Variants in NRDE2 observed in about 807,000 individuals in gnomAD.
NRDE2 encodes the protein nuclear exosome regulator NRDE2.
A neutral mutation model predicts 124.2 loss-of-function variants in NRDE2; 76 were observed. The observed-to-expected ratio is 0.61, with a 90% CI of 0.51 to 0.74. The LOEUF is 0.74. Ranked by LOEUF, NRDE2 falls within the 30% of genes least tolerant of loss-of-function variation. The pLI, the probability that NRDE2 is intolerant of heterozygous loss-of-function variation, is 0.00. For synonymous variants in NRDE2, 489 were observed against 528.1 expected (o/e 0.93, Z 1.01); for missense variants, 1,314 against 1,417.3 (o/e 0.93, Z 1.17).
At chr14:90,330,834 ACGT>A (rs1313453454) in intron 1 of NRDE2, among the ~76,000 whole-genome samples, 2 of 151,658 alleles carry the variant, frequency 1.3e-5, no homozygotes, top group Non-Finnish European at 2.9e-5. Flanking sequence ...ATTAGGAGAA[ACGT>A]TACAGAAAGT....
At chr14:90,320,625 T>C (rs534847928) in intron 1 of NRDE2, among the ~76,000 whole-genome samples, 4 of 152,154 alleles carry the variant, frequency 2.6e-5, no homozygotes, top group Non-Finnish European at 5.9e-5. Context: ...TTATAGTAAG[T>C]GTTCAACAAA....
intron 7 of NRDE2, among the ~76,000 whole-genome samples, chr14:90,300,076 G>A (rs1302417356): frequency 6.6e-6 from 1 of 152,184 alleles, no homozygotes; most frequent in East Asian, 1.9e-4. Flanking sequence ...CTTTAGAGCA[G>A]TGGTCTTCGA....
Position 90,269,984 on chromosome 14 carries a change from A to G in NRDE2, c.*8352T>C, listed in dbSNP as rs1233222790. 1.1e-4 allele frequency: 58 copies of G among 545,100 alleles called. No homozygotes were observed. Among genetic ancestry groups the G allele is most frequent in the Non-Finnish European group, 6.3e-6 (2 of 315,406 alleles). The allele number at this position is 545,100 out of a possible 1,614,324, so 33.8% of individuals were successfully genotyped here. ...CTTTCATTTATTTCTGAAGGTACCAAAGCAGAGAGAGTTTCTTTTAAATGA... is the reference window on the plus strand; with the variant it reads ...CTTTCATTTATTTCTGAAGGTACCAGAGCAGAGAGAGTTTCTTTTAAATGA... On this transcript the variant is annotated 3_prime_UTR_variant, in exon 14 of 14. Coordinates refer to ENST00000354366, the MANE Select transcript of NRDE2 (RefSeq NM_017970.4).
At chr14:90,296,511 C>T (rs1165067083) in intron 8 of NRDE2, among the ~76,000 whole-genome samples, 1 of 152,188 alleles carries the variant, frequency 6.6e-6, no homozygotes, top group South Asian at 2.1e-4. Context: ...GGGCCCCTCT[C>T]GCTTCTTAGT....
chr14:90,278,615 C>T, intron 13 of NRDE2, 154 bp from the exon 14 acceptor site: 1 of 830,214 alleles, frequency 1.2e-6, no homozygotes, highest in Non-Finnish European at 1.8e-6. Context: ...TTAACTCGGG[C>T]AGCACTGGGC....
rs1491397403 is a variant in NRDE2, at chr14:90,274,838, A to ACACACACACACACACC, written c.*3497_*3498insGGTGTGTGTGTGTGTG. The ACACACACACACACACC allele has an allele frequency of 1.2e-4, 8 of 67,218 alleles. No individual in the cohort carries two copies. The highest frequency in any genetic ancestry group is 3.8e-4 in the South Asian group (1 of 2,654). The allele number at this position is 67,218 out of a possible 1,614,324, so 4.2% of individuals were successfully genotyped here. ...CACACACACACACACACACACACACACCCCAATACATATGAATTGATCTGA... is the reference window on the plus strand; with the variant it reads ...CACACACACACACACACACACACACACACACACACACACACCCCCCAATACATATGAATTGATCTGA... On this transcript the variant is annotated 3_prime_UTR_variant, in exon 14 of 14. Transcript: ENST00000354366.
chr14:90,293,078 A>G (rs557394716), intron 8 of NRDE2, among the ~76,000 whole-genome samples: 2 of 152,314 alleles, frequency 1.3e-5, no homozygotes, highest in South Asian at 4.1e-4. Context: ...AGGTGATCAA[A>G]TCAAATTATT....
At chr14:90,329,466 G>T (rs956678784) in intron 1 of NRDE2, among the ~76,000 whole-genome samples, 3 of 152,148 alleles carry the variant, frequency 2.0e-5, no homozygotes, top group African/African-American at 7.2e-5. Context: ...TTGGGAGGCT[G>T]AGGCAGGAGG....
chr14:90,322,980 A>G (rs994453077), intron 1 of NRDE2, among the ~76,000 whole-genome samples: 2 of 152,246 alleles, frequency 1.3e-5, no homozygotes, highest in African/African-American at 4.8e-5. Context: ...TTTAAGAAAG[A>G]GAATCCCACT....
chr14:90,283,401 A>G (rs1280558642), intron 12 of NRDE2, among the ~76,000 whole-genome samples: 1 of 152,222 alleles, frequency 6.6e-6, no homozygotes, highest in Non-Finnish European at 1.5e-5. Context: ...TCTACCTGTA[A>G]AAGACTGGGT....
intron 1 of NRDE2, among the ~76,000 whole-genome samples, chr14:90,329,527 C>T (rs1305924327): frequency 6.6e-6 from 1 of 151,976 alleles, no homozygotes; most frequent in Non-Finnish European, 1.5e-5. Context: ...TAGCAAGACC[C>T]TGTCCCTACT....
At chr14:90,285,325 G>T (rs1225783369) in intron 12 of NRDE2, among the ~76,000 whole-genome samples, 1 of 132,682 alleles carries the variant, frequency 7.5e-6, no homozygotes, top group Admixed American at 8.0e-5. Context: ...TTTTTGAGAC[G>T]GAGTCTCACT....
rs1431762416 is a variant in NRDE2, at chr14:90,290,107, A to G, written c.2229+114T>C. The G allele has an allele frequency of 4.4e-6, 5 of 1,131,154 alleles. No individual in the cohort carries two copies. In the African/African-American group the frequency reaches 6.2e-5, roughly 14 times the overall value. 70.1% of individuals were successfully genotyped at this position (1,131,154 alleles called of 1,614,324 possible). On this transcript the variant is annotated intron_variant, in intron 10 of 13. Transcript: ENST00000354366. ...AAGGTGCCTTCAGGGTCACTGGAGG[A>G]GGAGGTGCTGGGGCATAGTTCCAGG...
intron 13 of NRDE2, 166 bp downstream of exon 13, chr14:90,278,896 G>C (rs1016637503): frequency 1.5e-6 from 1 of 671,310 alleles, no homozygotes; most frequent in Admixed American, 2.4e-5. Context: ...CTCCACAGGG[G>C]ACAGTTTCAC....
intron 1 of NRDE2, among the ~76,000 whole-genome samples, chr14:90,329,022 T>C (rs1885564243): frequency 6.6e-6 from 1 of 152,246 alleles, no homozygotes; most frequent in Non-Finnish European, 1.5e-5. Flanking sequence ...TTAAGGCTTT[T>C]TTCCATTACA....
chr14:90,298,251 G>A lies in NRDE2; in HGVS notation c.1666+9C>T, dbSNP rs1195974760. Reference sequence around the variant, plus strand: ...CAGAAGTACACGTCTTCAATGAGAGGTGACTTACCTGGGTTGATGACCACC... The same window carrying A: ...CAGAAGTACACGTCTTCAATGAGAGATGACTTACCTGGGTTGATGACCACC... On this transcript the variant is annotated intron_variant, in intron 8 of 13. Coordinates refer to ENST00000354366, the MANE Select transcript of NRDE2 (RefSeq NM_017970.4). 2.5e-6 allele frequency: 4 copies of A among 1,612,538 alleles called. No homozygotes were observed. The African/African-American group carries it at 5.3e-5, about 22-fold the overall frequency.
intron 1 of NRDE2, among the ~76,000 whole-genome samples, chr14:90,321,918 A>G (rs1885260758): frequency 6.6e-6 from 1 of 152,110 alleles, no homozygotes; most frequent in Non-Finnish European, 1.5e-5. Flanking sequence ...GTTCAGAGGG[A>G]GGGGCTGGGT....
At chr14:90,292,901 A>T in intron 8 of NRDE2, 29 bp from the exon 9 acceptor site, 7 of 1,595,164 alleles carry the variant, frequency 4.4e-6, no homozygotes, top group Non-Finnish European at 6.0e-6. Flanking sequence ...TCTTCACCTC[A>T]TCAGCAAATA....
chr14:90,331,534 T>C (rs1317848746), intron 1 of NRDE2, among the ~76,000 whole-genome samples: 1 of 152,226 alleles, frequency 6.6e-6, no homozygotes, highest in Non-Finnish European at 1.5e-5. Flanking sequence ...TTATTCCCAA[T>C]TTAAAGATGA....
Sources: gnomAD v4.1 joint callset for allele counts (sites outside exome capture counted in the v4.1 genomes callset) on GRCh38, gnomAD v4.1.1 for gene constraint, MANE v1.5 for transcripts, NCBI Gene and HGNC (gene_info 2026-07-23, HGNC 2026-07-21) for gene names.